The following CYP11B2 variants were observed in gnomAD, a reference collection of about 807,000 sequenced individuals.
CYP11B2 encodes the protein cytochrome P450 11B2, mitochondrial.
CYP11B2 carries 38 observed loss-of-function variants against 49.3 expected under a neutral mutation model. That is an observed-to-expected ratio of 0.77 (90% CI 0.59 to 1.01). CYP11B2 has a LOEUF of 1.01. Among genes scored for constraint, CYP11B2 ranks in the 50% least tolerant of loss-of-function variants. The pLI, the probability that CYP11B2 is intolerant of heterozygous loss-of-function variation, is 0.00. For synonymous variants in CYP11B2, 290 were observed against 269.3 expected (o/e 1.08, Z -0.75); for missense variants, 669 against 655.5 (o/e 1.02, Z -0.23).
At chr8:142,915,294 G>A (rs1416143963) in intron 2 of CYP11B2, 49 bp from the exon 3 acceptor site, 2 of 1,487,138 alleles carry the variant, frequency 1.3e-6, no homozygotes, top group Admixed American at 1.9e-5. Flanking sequence ...CAAGACACAG[G>A]CCCTGACCCG....
intron 8 of CYP11B2, 31 bp downstream of exon 8, chr8:142,912,499 A>T: frequency 9.9e-6 from 12 of 1,211,320 alleles, no homozygotes; most frequent in Non-Finnish European, 1.2e-5. Context: ...TCTGCTGCCC[A>T]GGTCCCGCCC....
Position 142,911,744 on chromosome 8 carries a change from TG to T in CYP11B2, c.*235del. 1 of 582,094 alleles carries T rather than the reference TG, an allele frequency of 1.7e-6. No homozygotes were observed. The highest frequency in any genetic ancestry group is 3.0e-6 in the Non-Finnish European group (1 of 334,910). The allele number at this position is 582,094 out of a possible 1,614,324, so 36.1% of individuals were successfully genotyped here. A position where few individuals can be genotyped will look rare whatever the true frequency, so the allele number is the denominator to read the frequency against. ...TGCTGGAGAAGGGGCCAGGTGGAGC[TG>T]GGGACAAGGCCAGGCCCTGCCAGCA... On this transcript the variant is annotated 3_prime_UTR_variant, in exon 9 of 9. Coordinates refer to ENST00000323110, the MANE Select transcript of CYP11B2 (RefSeq NM_000498.3).
intron 6 of CYP11B2, among the ~76,000 whole-genome samples, 182 bp from the exon 7 acceptor site, chr8:142,913,067 C>T (rs1306190699): frequency 6.6e-6 from 1 of 150,646 alleles, no homozygotes; most frequent in Non-Finnish European, 1.5e-5. Flanking sequence ...AAGCCCCAAG[C>T]GCAGAAGGAC....
In CYP11B2 at chr8:142,917,708, G is replaced by A; in HGVS notation, c.133C>T (p.Pro45Ser). 1 of 1,614,242 alleles carries A rather than the reference G, an allele frequency of 6.2e-7. No individual in the cohort carries two copies. Among genetic ancestry groups the A allele is most frequent in the Non-Finnish European group, 8.5e-7 (1 of 1,180,048 alleles). ...AGCAGCCTCAGCCACCTGTTGCCTG[G>A]ATGCTGGGGCATGGCTTCAAACGGC... Reference protein sequence around the residue: ...VLPFEAMPQHPGNRWLRLLQI... With the variant: ...VLPFEAMPQHSGNRWLRLLQI... Residue 45 changes from proline (P) to serine (S), a missense_variant, in exon 1 of 9, where the codon CCA (proline) becomes TCA (serine). Transcript: ENST00000323110.
At chr8:142,914,473 A>G in intron 4 of CYP11B2, 55 bp from the exon 5 acceptor site, 1 of 1,529,136 alleles carries the variant, frequency 6.5e-7, no homozygotes, top group Non-Finnish European at 9.0e-7. Context: ...AGCATCCTTC[A>G]GTGTCCTCCT....
Position 142,917,768 on chromosome 8 carries a change from C to G in CYP11B2, c.73G>C (p.Gly25Arg). 1.2e-6 allele frequency: 2 copies of G among 1,614,218 alleles called. No homozygotes were observed. The highest frequency in any genetic ancestry group is 1.3e-5 in the African/African-American group (1 of 75,080). ...WLSLQRARAL[G>R]TRAARAPRTV... ...CTAGGGGCCCGAGCGGCTCTAGTGCCCAGTGCCCGTGCCCTTTGCAGGGAC... is the reference window on the plus strand; with the variant it reads ...CTAGGGGCCCGAGCGGCTCTAGTGCGCAGTGCCCGTGCCCTTTGCAGGGAC... Residue 25 changes from glycine to arginine, a missense_variant, in exon 1 of 9, where the codon GGC (glycine) becomes CGC (arginine). Coordinates refer to ENST00000323110, the MANE Select transcript of CYP11B2 (RefSeq NM_000498.3).
intron 6 of CYP11B2, 86 bp downstream of exon 6, chr8:142,913,199 G>A (rs1563880026): frequency 6.9e-7 from 1 of 1,454,244 alleles, no homozygotes; most frequent in East Asian, 2.3e-5. Context: ...CTGTTTATCA[G>A]CCCCAGATTC....
At chr8:142,914,152 G>C in intron 5 of CYP11B2, 112 bp downstream of exon 5, 5 of 1,233,336 alleles carry the variant, frequency 4.1e-6, no homozygotes, top group Non-Finnish European at 5.9e-6. Flanking sequence ...CAGAAATGTG[G>C]GGCCTGTAGC....
intron 2 of CYP11B2, chr8:142,916,654 G>A (rs562640547): frequency 4.7e-5 from 18 of 379,302 alleles, no homozygotes; most frequent in East Asian, 7.0e-5. Context: ...CTGTGGCCCC[G>A]GCGAACACCA....
At position 142,912,984 on chromosome 8, in the gene CYP11B2, C is replaced by T; in HGVS notation, c.1122-99G>A. 4.0e-6 allele frequency: 5 copies of T among 1,261,300 alleles called. No homozygotes were observed. In the South Asian group the frequency reaches 5.1e-5, roughly 13 times the overall value. The allele number at this position is 1,261,300 out of a possible 1,614,324, so 78.1% of individuals were successfully genotyped here. A position where few individuals can be genotyped will look rare whatever the true frequency, so the allele number is the denominator to read the frequency against. Reference sequence around the variant, plus strand: ...CGAAGACCCCGCAGAGGTCCCAGATCCATGGGAAGCCCAGGTCGTAGGAAG... The same window carrying T: ...CGAAGACCCCGCAGAGGTCCCAGATTCATGGGAAGCCCAGGTCGTAGGAAG... On this transcript the variant is annotated intron_variant, in intron 6 of 8. Coordinates refer to ENST00000323110, the MANE Select transcript of CYP11B2 (RefSeq NM_000498.3).
In CYP11B2 at chr8:142,914,292, A is replaced by G; in HGVS notation, c.926T>C (p.Met309Thr). ...LSLEAIKANS[M>T]ELTAGSVDTT... ...GTCCACGCTCCCTGCAGTGAGTTCCATAGAGTTGGCCTTGATGGCTTCTAG... is the reference window on the plus strand; with the variant it reads ...GTCCACGCTCCCTGCAGTGAGTTCCGTAGAGTTGGCCTTGATGGCTTCTAG... The change falls in exon 5 of 9, where the codon ATG becomes ACG. Residue 309 changes from methionine (M) to threonine (T), a missense_variant. Met to Thr is a moderately conservative substitution (Grantham distance 81). Coordinates refer to ENST00000323110, the MANE Select transcript of CYP11B2 (RefSeq NM_000498.3). 1 of 1,614,174 alleles carries G rather than the reference A, an allele frequency of 6.2e-7. No individual in the cohort carries two copies. The highest frequency in any genetic ancestry group is 8.5e-7 in the Non-Finnish European group (1 of 1,180,034).
At chr8:142,916,953 A>G in intron 2 of CYP11B2, 106 bp downstream of exon 2, 2 of 1,524,518 alleles carry the variant, frequency 1.3e-6, no homozygotes, top group South Asian at 1.2e-5. Flanking sequence ...TGCCCACCAC[A>G]GGGGCCCAGG....
At chr8:142,916,979 G>A in intron 2 of CYP11B2, 80 bp downstream of exon 2, 1 of 1,569,306 alleles carries the variant, frequency 6.4e-7, no homozygotes, top group Non-Finnish European at 8.6e-7. Flanking sequence ...TGTGCTTTTG[G>A]GTCCTACCTC....
intron 1 of CYP11B2, 22 bp downstream of exon 1, chr8:142,917,580 C>T (rs775585185): frequency 2.9e-5 from 47 of 1,613,798 alleles, no homozygotes; most frequent in African/African-American, 6.7e-5. Flanking sequence ...GTGTTCCCAG[C>T]GAGGGCCAGG....
At position 142,912,048 on chromosome 8, in the gene CYP11B2, T is replaced by C; in HGVS notation, c.1444A>G (p.Lys482Glu). The C allele has an allele frequency of 6.2e-7, 1 of 1,614,016 alleles. No homozygotes were observed. The change falls in exon 9 of 9, where the codon AAG (lysine) becomes GAG (glutamate). Residue 482 changes from lysine to glutamate, a missense_variant. Physicochemically the swap from Lys to Glu is moderately conservative, Grantham distance 56 (BLOSUM62 1). Transcript: ENST00000323110. ...LVETLTQEDIKMVYSFILRPG... is the reference protein window; with the variant it reads ...LVETLTQEDIEMVYSFILRPG... ...CTCAATATGAAGCTGTAGACCATCT[T>C]TATGTCCTCTTGAGTTAGTGTCTCC... is the stretch of plus-strand genomic sequence containing the variant.
At chr8:142,915,681 C>T (rs1221200766) in intron 2 of CYP11B2, among the ~76,000 whole-genome samples, 1 of 130,646 alleles carries the variant, frequency 7.7e-6, no homozygotes, top group Non-Finnish European at 1.9e-5. Context: ...CCCCACCCTT[C>T]CCCGCCCTGG....
rs61757310 is a variant in CYP11B2, at chr8:142,915,291, C to A, written c.396-46G>T. Reference sequence around the variant, plus strand: ...CTTGTGAGGCCGCCCCAGCAAGACACAGGCCCTGACCCGTATCCCATCCTC... The same window carrying A: ...CTTGTGAGGCCGCCCCAGCAAGACAAAGGCCCTGACCCGTATCCCATCCTC... On this transcript the variant is annotated intron_variant, in intron 2 of 8. Transcript: ENST00000323110. The A allele has an allele frequency of 2.4e-3, 3,590 of 1,507,370 alleles. 7 individuals are homozygous for A. Among genetic ancestry groups the A allele is most frequent in the Non-Finnish European group, 3.1e-3 (3,367 of 1,103,380 alleles). 93.4% of individuals were successfully genotyped at this position (1,507,370 alleles called of 1,614,324 possible).
Position 142,914,293 on chromosome 8 carries a change from T to C in CYP11B2, c.925A>G (p.Met309Val). 1 of 1,614,172 alleles carries C rather than the reference T, an allele frequency of 6.2e-7. No individual in the cohort carries two copies. Among genetic ancestry groups the C allele is most frequent in the Non-Finnish European group, 8.5e-7 (1 of 1,180,026 alleles). ...TCCACGCTCCCTGCAGTGAGTTCCATAGAGTTGGCCTTGATGGCTTCTAGT... is the reference window on the plus strand; with the variant it reads ...TCCACGCTCCCTGCAGTGAGTTCCACAGAGTTGGCCTTGATGGCTTCTAGT... Reference protein sequence around the residue: ...LSLEAIKANSMELTAGSVDTT... With the variant: ...LSLEAIKANSVELTAGSVDTT... The change falls in exon 5 of 9, where the codon ATG becomes GTG. Residue 309 changes from methionine (M) to valine (V), a missense_variant. Met to Val is a conservative substitution (Grantham distance 21, BLOSUM62 1). Transcript: ENST00000323110.
rs1259792447 is a variant in CYP11B2, at chr8:142,917,638, A to C, written c.203T>G (p.Met68Arg). ...EQGYEHLHLE[M>R]HQTFQELGPI... Reference sequence around the variant, plus strand: ...CCCCAGCTCCTGGAAGGTCTGGTGCATCTCCAGGTGCAGGTGCTCATAACC... The same window carrying C: ...CCCCAGCTCCTGGAAGGTCTGGTGCCTCTCCAGGTGCAGGTGCTCATAACC... Residue 68 changes from methionine to arginine, a missense_variant, in exon 1 of 9, where the codon ATG becomes AGG. Coordinates refer to ENST00000323110, the MANE Select transcript of CYP11B2 (RefSeq NM_000498.3). 7 of 1,614,222 alleles carry C rather than the reference A, an allele frequency of 4.3e-6. No individual in the cohort carries two copies. Among genetic ancestry groups the C allele is most frequent in the Non-Finnish European group, 5.1e-6 (6 of 1,180,044 alleles).
Sources: allele counts gnomAD v4.1 joint callset (sites outside exome capture counted in the v4.1 genomes callset), GRCh38; gene constraint gnomAD v4.1.1; transcripts MANE v1.5; gene names NCBI Gene and HGNC (gene_info 2026-07-23, HGNC 2026-07-21).